PRKCA: variants seen among roughly 807,000 people sequenced by gnomAD.
The protein encoded by PRKCA is protein kinase C alpha.
A neutral mutation model predicts 87.0 loss-of-function variants in PRKCA; 27 were observed. That is an observed-to-expected ratio of 0.31 (90% CI 0.23 to 0.43). The LOEUF (loss-of-function observed/expected upper bound fraction) is 0.43. Among genes scored for constraint, PRKCA ranks in the 20% least tolerant of loss-of-function variants. The probability of loss-of-function intolerance (pLI) is 1.00; values close to 1 mark genes in which losing one functional copy is unlikely to be tolerated. For missense variants in PRKCA, 518 were observed against 852.3 expected (o/e 0.61, Z 4.88); for synonymous variants, 329 against 311.1 (o/e 1.06, Z -0.61).
rs141518350 is a variant in PRKCA, at chr17:66,562,411, G to C, written c.288+66128G>C. Among the ~76,000 whole-genome samples, 501 of 151,792 alleles carry C rather than the reference G, an allele frequency of 3.3e-3. 5 individuals carry two copies. The highest frequency in any genetic ancestry group is 0.011 in the African/African-American group (468 of 41,410). On this transcript the variant is annotated intron_variant, in intron 3 of 16. Transcript: ENST00000413366. ...TCCATTCTTGGTCAGACCTGTAGAA[G>C]GGAAACAGCAGTTGTGGAAGTATGT...
At chr17:66,609,881 A>G (rs1970303855) in intron 3 of PRKCA, among the ~76,000 whole-genome samples, 1 of 152,092 alleles carries the variant, frequency 6.6e-6, no homozygotes, top group South Asian at 2.1e-4. Flanking sequence ...TCTCAACACA[A>G]AGTGCTTCTG....
intron 8 of PRKCA, among the ~76,000 whole-genome samples, chr17:66,731,953 C>A (rs751487990): frequency 6.6e-6 from 1 of 151,294 alleles, no homozygotes; most frequent in Non-Finnish European, 1.5e-5. Flanking sequence ...CCATGCCCAG[C>A]TGATTTTTGT....
chr17:66,515,289 A>T (rs1966931178), intron 3 of PRKCA, among the ~76,000 whole-genome samples: 1 of 150,656 alleles, frequency 6.6e-6, no homozygotes, highest in African/African-American at 2.4e-5. Flanking sequence ...AAAAAAAAAA[A>T]GAAGGGAATG....
chr17:66,545,447 T>A (rs527874391), intron 3 of PRKCA, among the ~76,000 whole-genome samples: 1 of 152,302 alleles, frequency 6.6e-6, no homozygotes, highest in African/African-American at 2.4e-5. Flanking sequence ...AGATAATTTA[T>A]CTACATACTG....
At chr17:66,660,553 G>A (rs866506090) in intron 5 of PRKCA, among the ~76,000 whole-genome samples, 5 of 151,988 alleles carry the variant, frequency 3.3e-5, no homozygotes, top group South Asian at 2.1e-4. Context: ...TAAAAACCAC[G>A]GCTCAGGGAA....
intron 2 of PRKCA, among the ~76,000 whole-genome samples, chr17:66,465,106 A>T (rs1915027572): frequency 6.6e-6 from 1 of 152,220 alleles, no homozygotes; most frequent in Non-Finnish European, 1.5e-5. Flanking sequence ...TTAAGTAAAT[A>T]AATGAATGAC....
chr17:66,521,652 T>C (rs1967165780), intron 3 of PRKCA, among the ~76,000 whole-genome samples: 1 of 152,214 alleles, frequency 6.6e-6, no homozygotes, highest in South Asian at 2.1e-4. Context: ...CTGGATTCTT[T>C]AGTGTGTTAA....
At chr17:66,665,403 A>T (rs988445625) in intron 5 of PRKCA, among the ~76,000 whole-genome samples, 3 of 152,154 alleles carry the variant, frequency 2.0e-5, no homozygotes, top group Non-Finnish European at 4.4e-5. Context: ...CACCTGCATG[A>T]GTGTTCATTC....
chr17:66,528,326 C>T (rs1029323223), intron 3 of PRKCA, among the ~76,000 whole-genome samples: 1 of 151,950 alleles, frequency 6.6e-6, no homozygotes, highest in African/African-American at 2.4e-5. Context: ...GATGTGCCTT[C>T]CCCCTGAAGA....
intron 13 of PRKCA, among the ~76,000 whole-genome samples, chr17:66,771,079 A>ACTAT (rs993215782): frequency 1.0e-4 from 15 of 149,596 alleles, no homozygotes; most frequent in African/African-American, 3.7e-4. Context: ...ATCTTGGCTC[A>ACTAT]CTATACTCTG....
intron 8 of PRKCA, among the ~76,000 whole-genome samples, chr17:66,702,610 A>G (rs1973091219): frequency 6.6e-6 from 1 of 152,192 alleles, no homozygotes; most frequent in Non-Finnish European, 1.5e-5. Flanking sequence ...AAAGTGACAG[A>G]TATGTTAATT....
At chr17:66,677,571 AC>A (rs887608871) in intron 5 of PRKCA, among the ~76,000 whole-genome samples, 1 of 152,206 alleles carries the variant, frequency 6.6e-6, no homozygotes, top group African/African-American at 2.4e-5. Context: ...TAATAGGTGA[AC>A]CTGAATGCAG....
At chr17:66,516,206 A>G (rs1280156110) in intron 3 of PRKCA, among the ~76,000 whole-genome samples, 3 of 152,160 alleles carry the variant, frequency 2.0e-5, no homozygotes, top group Non-Finnish European at 4.4e-5. Flanking sequence ...CTGCAGGACA[A>G]TGTGCAGCAC....
chr17:66,595,859 C>T (rs889708305), intron 3 of PRKCA, among the ~76,000 whole-genome samples: 1 of 152,172 alleles, frequency 6.6e-6, no homozygotes, highest in Non-Finnish European at 1.5e-5. Context: ...TCATAGCAAA[C>T]GTGCATCAAA....
At chr17:66,784,227 A>G (rs1321247987) in intron 14 of PRKCA, among the ~76,000 whole-genome samples, 1 of 151,974 alleles carries the variant, frequency 6.6e-6, no homozygotes, top group Non-Finnish European at 1.5e-5. Flanking sequence ...GGTGCAGGCC[A>G]CGCCCTCAGC....
At chr17:66,351,677 C>T (rs886984727) in intron 2 of PRKCA, among the ~76,000 whole-genome samples, 7 of 152,176 alleles carry the variant, frequency 4.6e-5, no homozygotes. Context: ...AACGATTAAA[C>T]ATGTGACTAT....
intron 2 of PRKCA, among the ~76,000 whole-genome samples, chr17:66,486,306 T>C (rs1452181595): frequency 1.3e-5 from 2 of 152,232 alleles, no homozygotes; most frequent in Non-Finnish European, 2.9e-5. Context: ...TATTTCATTG[T>C]AGTTCTGAGT....
At chr17:66,490,922 C>T (rs377383924) in intron 2 of PRKCA, among the ~76,000 whole-genome samples, 40 of 152,278 alleles carry the variant, frequency 2.6e-4, no homozygotes, top group African/African-American at 9.1e-4. Flanking sequence ...GTTATTTGTT[C>T]TGTTTCTGAA....
chr17:66,590,617 GGT>G (rs1405636041), intron 3 of PRKCA, among the ~76,000 whole-genome samples: 3 of 152,306 alleles, frequency 2.0e-5, no homozygotes, highest in Non-Finnish European at 4.4e-5. Flanking sequence ...GGGAGGCCAA[GGT>G]GTGTGGATCA....
Sources: gnomAD v4.1 joint callset for allele counts (sites outside exome capture counted in the v4.1 genomes callset) on GRCh38, gnomAD v4.1.1 for gene constraint, MANE v1.5 for transcripts, NCBI Gene and HGNC (gene_info 2026-07-23, HGNC 2026-07-21) for gene names.